The following CTNNA2 variants were observed in gnomAD, a reference collection of about 807,000 sequenced individuals.
CTNNA2 encodes catenin alpha-2.
A neutral mutation model predicts 101.0 loss-of-function variants in CTNNA2; 42 were observed. The observed-to-expected ratio is 0.42, with a 90% CI of 0.32 to 0.54. CTNNA2 has a LOEUF of 0.54. CTNNA2 is among the 20% of genes least tolerant of loss of function. CTNNA2 has a pLI of 0.14. For missense variants in CTNNA2, 871 were observed against 1,223.1 expected, an observed-to-expected ratio of 0.71 and a Z score of 4.29; for synonymous variants, 450 against 456.4, an observed-to-expected ratio of 0.99 and a Z score of 0.18.
Position 80,644,067 on chromosome 2 carries a change from A to C in CTNNA2, c.2575-3518A>C, listed in dbSNP as rs559021914. Reference sequence around the variant, plus strand: ...CAATAACTAAAAAACAAGACCTGAGAGATCAAGTGATGCTTCGGGGGAACA... The same window carrying C: ...CAATAACTAAAAAACAAGACCTGAGCGATCAAGTGATGCTTCGGGGGAACA... On this transcript the variant is annotated intron_variant, in intron 18 of 18. Transcript: ENST00000402739. 3.6e-4 allele frequency among the ~76,000 whole-genome samples: 55 copies of C among 152,256 alleles called. No individual in the cohort carries two copies. In the Middle Eastern group the frequency reaches 0.014, roughly 38 times the overall value.
intron 4 of CTNNA2, among the ~76,000 whole-genome samples, chr2:79,380,957 A>G (rs1305456122): frequency 1.3e-5 from 2 of 152,244 alleles, no homozygotes; most frequent in Non-Finnish European, 2.9e-5. Flanking sequence ...AGTCTGGTAC[A>G]GGGATCAGGC....
At chr2:79,895,272 T>C (rs1024207068) in intron 6 of CTNNA2, among the ~76,000 whole-genome samples, 6 of 152,338 alleles carry the variant, frequency 3.9e-5, no homozygotes, top group African/African-American at 1.4e-4. Context: ...AAACTGTTTC[T>C]TTCCCATCTT....
At chr2:80,551,172 A>G (rs1234985387) in intron 11 of CTNNA2, among the ~76,000 whole-genome samples, 1 of 152,204 alleles carries the variant, frequency 6.6e-6, no homozygotes, top group African/African-American at 2.4e-5. Flanking sequence ...AATTATTTTT[A>G]TTCTGAACAG....
At chr2:79,616,824 T>C (rs1236334979) in intron 1 of CTNNA2, among the ~76,000 whole-genome samples, 1 of 152,176 alleles carries the variant, frequency 6.6e-6, no homozygotes, top group Non-Finnish European at 1.5e-5. Context: ...CCCTATACAA[T>C]TTGCAACCAT....
intron 7 of CTNNA2, among the ~76,000 whole-genome samples, chr2:80,301,461 G>T (rs1676298509): frequency 6.6e-6 from 1 of 152,150 alleles, no homozygotes; most frequent in Non-Finnish European, 1.5e-5. Context: ...TTTGAAAGAT[G>T]GTTACATTAA....
At chr2:80,519,336 C>G (rs1689343562) in intron 9 of CTNNA2, among the ~76,000 whole-genome samples, 1 of 152,122 alleles carries the variant, frequency 6.6e-6, no homozygotes, top group Admixed American at 6.5e-5. Context: ...TTGCCAAATC[C>G]AGACCGAAAA....
At chr2:79,946,988 A>C (rs1020924589) in intron 7 of CTNNA2, among the ~76,000 whole-genome samples, 1 of 152,226 alleles carries the variant, frequency 6.6e-6, no homozygotes. Flanking sequence ...GAAAATAATC[A>C]AATATCCAGA....
intron 18 of CTNNA2, among the ~76,000 whole-genome samples, chr2:80,633,608 T>G (rs1403219224): frequency 1.3e-5 from 2 of 152,172 alleles, no homozygotes; most frequent in Non-Finnish European, 2.9e-5. Context: ...ATCTGCCTGG[T>G]CAAAGAAGAC....
intron 3 of CTNNA2, among the ~76,000 whole-genome samples, chr2:79,816,994 T>G (rs1677559181): frequency 6.6e-6 from 1 of 151,770 alleles, no homozygotes; most frequent in South Asian, 2.1e-4. Context: ...GGCATTTTGT[T>G]TCTTTTTTTT....
At chr2:79,280,071 G>A (rs2104329830) in intron 2 of CTNNA2, among the ~76,000 whole-genome samples, 1 of 152,180 alleles carries the variant, frequency 6.6e-6, no homozygotes, top group East Asian at 1.9e-4. Context: ...TGAAATTGTG[G>A]TCTACAGGAC....
rs373920721 is a variant in CTNNA2, at chr2:80,506,190, C to T, written c.1291-38792C>T. Among the ~76,000 whole-genome samples the T allele has an allele frequency of 2.5e-4, 38 of 152,226 alleles. No individual in the cohort carries two copies. In the South Asian group the frequency reaches 7.7e-3, roughly 31 times the overall value. Reference sequence around the variant, plus strand: ...GTGGGCTGCATGACTACTTGAATGACCAATGGAATCAGACAACTGTTAGTA... The same window carrying T: ...GTGGGCTGCATGACTACTTGAATGATCAATGGAATCAGACAACTGTTAGTA... On this transcript the variant is annotated intron_variant, in intron 9 of 18. Transcript: ENST00000402739.
At chr2:79,864,916 T>G (rs1022255091) in intron 4 of CTNNA2, among the ~76,000 whole-genome samples, 1 of 152,114 alleles carries the variant, frequency 6.6e-6, no homozygotes, top group African/African-American at 2.4e-5. Flanking sequence ...ACCATCAAAT[T>G]CAAAGAACTG....
At chr2:80,139,726 C>T (rs1301795460) in intron 7 of CTNNA2, among the ~76,000 whole-genome samples, 1 of 152,134 alleles carries the variant, frequency 6.6e-6, no homozygotes, top group Non-Finnish European at 1.5e-5. Context: ...CTAAATGTAT[C>T]ATGTGAAACA....
intron 1 of CTNNA2, among the ~76,000 whole-genome samples, chr2:79,637,279 G>T (rs1366695804): frequency 6.6e-6 from 1 of 152,192 alleles, no homozygotes; most frequent in Admixed American, 6.5e-5. Context: ...GGATACAGAA[G>T]AGAGAGTACA....
chr2:79,294,917 T>C (rs1675939480), intron 2 of CTNNA2, among the ~76,000 whole-genome samples: 1 of 152,146 alleles, frequency 6.6e-6, no homozygotes, highest in Non-Finnish European at 1.5e-5. Context: ...ATGGATATAT[T>C]ATCTACTGAT....
At chr2:80,341,849 G>A (rs1672277517) in intron 7 of CTNNA2, among the ~76,000 whole-genome samples, 1 of 152,242 alleles carries the variant, frequency 6.6e-6, no homozygotes, top group African/African-American at 2.4e-5. Flanking sequence ...GCCAAAAATT[G>A]CAGAGAACAC....
intron 1 of CTNNA2, among the ~76,000 whole-genome samples, chr2:79,520,306 A>G (rs1277301110): frequency 6.6e-6 from 1 of 152,232 alleles, no homozygotes; most frequent in Non-Finnish European, 1.5e-5. Flanking sequence ...CTAGAAATTG[A>G]TATAGGTTGA....
intron 3 of CTNNA2, among the ~76,000 whole-genome samples, chr2:79,325,852 A>T (rs1676733897): frequency 6.6e-6 from 1 of 152,138 alleles, no homozygotes; most frequent in Non-Finnish European, 1.5e-5. Flanking sequence ...CATTTTGGGG[A>T]GGTGTGTCTC....
In CTNNA2 at chr2:80,098,095, T is replaced by C. The variant is rs193127796; in HGVS notation, c.1056+188298T>C. 5.8e-3 allele frequency among the ~76,000 whole-genome samples: 878 copies of C among 152,244 alleles called. 9 individuals are homozygous for C. The highest frequency in any genetic ancestry group is 0.02 in the African/African-American group (824 of 41,538). On this transcript the variant is annotated intron_variant, in intron 7 of 18. Coordinates refer to ENST00000402739, the MANE Select transcript of CTNNA2 (RefSeq NM_001282597.3). ...AGGAGAGGCACTCTGATTTTTAGAG[T>C]TTCCAGTTTTTCTGCTCTGTTTTTT...
Sources: gnomAD v4.1 joint callset for allele counts (sites outside exome capture counted in the v4.1 genomes callset) on GRCh38, gnomAD v4.1.1 for gene constraint, MANE v1.5 for transcripts, NCBI Gene and HGNC (gene_info 2026-07-23, HGNC 2026-07-21) for gene names.